The following LDLRAD3 variants were observed in gnomAD, a reference collection of about 807,000 sequenced individuals.
LDLRAD3 encodes the protein low density lipoprotein receptor class A domain containing 3, also known as low-density lipoprotein receptor class A domain-containing protein 3.
Under a neutral mutation model 29.4 loss-of-function variants are expected in LDLRAD3, and 20 were observed. The observed-to-expected ratio is 0.68, with a 90% CI of 0.48 to 0.99. The LOEUF (loss-of-function observed/expected upper bound fraction) is 0.99. LDLRAD3 is among the 50% of genes least tolerant of loss of function. The pLI, the probability that LDLRAD3 is intolerant of heterozygous loss-of-function variation, is 0.00. For missense variants in LDLRAD3, 420 were observed against 454.3 expected, an observed-to-expected ratio of 0.92 and a Z score of 0.69; for synonymous variants, 157 against 192.7, an observed-to-expected ratio of 0.81 and a Z score of 1.53.
At chr11:36,135,703 A>G (rs533300609) in intron 4 of LDLRAD3, among the ~76,000 whole-genome samples, 1 of 152,302 alleles carries the variant, frequency 6.6e-6, no homozygotes, top group African/African-American at 2.4e-5. Context: ...TGAGGCCAGG[A>G]GTTCAACACC....
At chr11:36,196,793 A>T (rs1855039739) in intron 4 of LDLRAD3, 2 of 152,108 alleles carry the variant, frequency 1.3e-5, no homozygotes, top group Admixed American at 1.3e-4. Context: ...TGCTTTTTTG[A>T]GGGAGGGATC....
At chr11:36,056,604 C>T (rs758919791) in intron 2 of LDLRAD3, among the ~76,000 whole-genome samples, 1 of 152,088 alleles carries the variant, frequency 6.6e-6, no homozygotes, top group African/African-American at 2.4e-5. Context: ...TTGGAGCTCT[C>T]GGAATGCATA....
intron 1 of LDLRAD3, among the ~76,000 whole-genome samples, chr11:35,994,986 G>A (rs761299044): frequency 1.3e-5 from 2 of 152,216 alleles, no homozygotes; most frequent in Non-Finnish European, 2.9e-5. Flanking sequence ...CCTGACTGAA[G>A]TCTTGAACAC....
chr11:36,156,090 G>A (rs191649011), intron 4 of LDLRAD3, among the ~76,000 whole-genome samples: 22 of 152,326 alleles, frequency 1.4e-4, no homozygotes, highest in Admixed American at 1.4e-3. Context: ...GATTGACTCT[G>A]CTGATTCGAG....
chr11:36,001,327 T>C (rs1269351041), intron 1 of LDLRAD3: 2 of 152,238 alleles, frequency 1.3e-5, no homozygotes, highest in East Asian at 1.9e-4. Flanking sequence ...ACATTAGGTA[T>C]ATCTCCTAAT....
chr11:36,054,840 A>AATGG (rs201580069), intron 2 of LDLRAD3, among the ~76,000 whole-genome samples: 93,626 of 133,618 alleles, frequency 0.7, 32,794 homozygotes, highest in Middle Eastern at 0.77. Flanking sequence ...TGGATGGATG[A>AATGG]ATGGATGGAT....
intron 2 of LDLRAD3, among the ~76,000 whole-genome samples, chr11:36,071,963 AT>A (rs1852912217): frequency 6.6e-6 from 1 of 152,200 alleles, no homozygotes. Flanking sequence ...CGTGGTGGCA[AT>A]TTGTTATAAA....
intron 3 of LDLRAD3, among the ~76,000 whole-genome samples, chr11:36,084,451 C>T (rs1853166639): frequency 6.6e-6 from 1 of 151,850 alleles, no homozygotes; most frequent in African/African-American, 2.4e-5. Flanking sequence ...AGACCCCATC[C>T]CTATAAAAAT....
intron 1 of LDLRAD3, among the ~76,000 whole-genome samples, chr11:36,009,797 G>T (rs1851932478): frequency 6.6e-6 from 1 of 152,160 alleles, no homozygotes; most frequent in Non-Finnish European, 1.5e-5. Flanking sequence ...AAAAAGGCAG[G>T]TCTGCAAATA....
chr11:35,971,997 G>A (rs576541249), intron 1 of LDLRAD3, among the ~76,000 whole-genome samples: 8 of 152,276 alleles, frequency 5.3e-5, no homozygotes, highest in African/African-American at 1.9e-4. Flanking sequence ...CCGGTGTGGG[G>A]GAGGAGTCCC....
intron 4 of LDLRAD3, among the ~76,000 whole-genome samples, chr11:36,168,929 G>C (rs1854556187): frequency 6.6e-6 from 1 of 152,160 alleles, no homozygotes; most frequent in Non-Finnish European, 1.5e-5. Flanking sequence ...ATCATGCTTT[G>C]AGCTGAACAC....
intron 4 of LDLRAD3, among the ~76,000 whole-genome samples, chr11:36,141,894 G>A (rs1215413870): frequency 6.6e-6 from 1 of 152,192 alleles, no homozygotes; most frequent in African/African-American, 2.4e-5. Context: ...CATTTCTGAA[G>A]GCAATAAATT....
At chr11:36,194,388 G>T (rs12574525) in intron 4 of LDLRAD3, among the ~76,000 whole-genome samples, 13,422 of 152,226 alleles carry the variant, frequency 0.088, 613 homozygotes, top group East Asian at 0.19. Context: ...GAACTTCTAA[G>T]GGGCCAGGGA....
chr11:36,060,337 G>C (rs1450493079), intron 2 of LDLRAD3, among the ~76,000 whole-genome samples: 2 of 138,110 alleles, frequency 1.4e-5, no homozygotes, highest in East Asian at 4.2e-4. Flanking sequence ...CTGGGCGACA[G>C]AGCAAGACTC....
intron 4 of LDLRAD3, among the ~76,000 whole-genome samples, chr11:36,216,422 T>C (rs1300844214): frequency 6.6e-6 from 1 of 152,256 alleles, no homozygotes; most frequent in Non-Finnish European, 1.5e-5. Flanking sequence ...CTGACAAGTC[T>C]TGTAATAATA....
intron 4 of LDLRAD3, among the ~76,000 whole-genome samples, chr11:36,157,580 C>A (rs1001978383): frequency 6.6e-6 from 1 of 152,206 alleles, no homozygotes; most frequent in Admixed American, 6.5e-5. Context: ...ATGAGTTAAA[C>A]TCCACTCTGT....
At chr11:36,012,616 A>G (rs1393792505) in intron 1 of LDLRAD3, among the ~76,000 whole-genome samples, 1 of 152,208 alleles carries the variant, frequency 6.6e-6, no homozygotes, top group East Asian at 1.9e-4. Flanking sequence ...GATAGTGTAG[A>G]CAGTGTGTGT....
At chr11:36,005,101 T>C (rs913488389) in intron 1 of LDLRAD3, among the ~76,000 whole-genome samples, 11 of 152,264 alleles carry the variant, frequency 7.2e-5, no homozygotes, top group Non-Finnish European at 1.5e-4. Context: ...ATTTTACTTA[T>C]GCAAACTTCT....
intron 1 of LDLRAD3, among the ~76,000 whole-genome samples, chr11:36,012,373 C>T (rs1851966869): frequency 6.6e-6 from 1 of 152,194 alleles, no homozygotes; most frequent in South Asian, 2.1e-4. Context: ...CACTGTACAT[C>T]TTAGCAACCT....
Sources: gnomAD v4.1 joint callset for allele counts (sites outside exome capture counted in the v4.1 genomes callset) on GRCh38, gnomAD v4.1.1 for gene constraint, MANE v1.5 for transcripts, NCBI Gene and HGNC (gene_info 2026-07-23, HGNC 2026-07-21) for gene names.